CDH23: variants seen among roughly 807,000 people sequenced by gnomAD.
CDH23 encodes cadherin-23.
Under a neutral mutation model 317.1 loss-of-function variants are expected in CDH23, and 189 were observed. The ratio of observed to expected loss-of-function variants is 0.60; its 90% CI spans 0.53 to 0.67. CDH23 has a LOEUF of 0.67. Among genes scored for constraint, CDH23 ranks in the 30% least tolerant of loss-of-function variants. CDH23 has a pLI of 0.00. For missense variants in CDH23, 4,401 were observed against 4,592.4 expected (o/e 0.96, Z 1.20); for synonymous variants, 1,839 against 1,876.8 (o/e 0.98, Z 0.52).
chr10:71,724,186 G>T, intron 29 of CDH23, 81 bp downstream of exon 29: 2 of 1,469,532 alleles, frequency 1.4e-6, no homozygotes, highest in Non-Finnish European at 1.9e-6. Flanking sequence ...CAAAGGTCTG[G>T]GAGATGAGGC....
chr10:71,763,172 T>G (rs7909934), intron 38 of CDH23, among the ~76,000 whole-genome samples: 30,372 of 152,136 alleles, frequency 0.2, 3,522 homozygotes, highest in Non-Finnish European at 0.26. Context: ...GGTGTTATTT[T>G]TATTTATTTA....
intron 44 of CDH23, among the ~76,000 whole-genome samples, chr10:71,786,554 C>T (rs1841112828): frequency 7.3e-6 from 1 of 137,630 alleles, no homozygotes; most frequent in Non-Finnish European, 1.5e-5. Context: ...TGCAGTGGTG[C>T]AATCGTGATC....
At chr10:71,584,701 C>A (rs181014629) in intron 9 of CDH23, among the ~76,000 whole-genome samples, 116 of 152,290 alleles carry the variant, frequency 7.6e-4, no homozygotes, top group African/African-American at 2.7e-3. Context: ...GACCATCGTG[C>A]GAAACACTTC....
chr10:71,775,100 A>AC (rs1336158319), intron 38 of CDH23, among the ~76,000 whole-genome samples: 2 of 152,064 alleles, frequency 1.3e-5, no homozygotes, highest in Admixed American at 6.5e-5. Context: ...TGGCCTTGTG[A>AC]CCCCACCTTG....
intron 9 of CDH23, among the ~76,000 whole-genome samples, chr10:71,587,157 G>C (rs562376972): frequency 6.6e-6 from 1 of 152,216 alleles, no homozygotes; most frequent in Non-Finnish European, 1.5e-5. Flanking sequence ...GCTTAGGGCC[G>C]CATGGCAAAT....
rs773380547 is a variant in CDH23 at position 71,805,873 on chromosome 10, C to T, written c.7940C>T (p.Ala2647Val). Residue 2647 changes from alanine (A) to valine (V), a missense_variant, in exon 56 of 70, where the codon GCG becomes GTG. Physicochemically the swap from Ala to Val is moderately conservative, Grantham distance 64. This residue lies in a region of CDH23 where 1,144 missense variants were observed against 1,138.2 expected (regional missense o/e 1.01). Coordinates refer to ENST00000224721, the MANE Select transcript of CDH23 (RefSeq NM_022124.6). Reference sequence around the variant, plus strand: ...GACAAGGATGAGGGCCTCAACGGGGCGGTGCGCTACAGCTTCCTGAAGACT... The same window carrying T: ...GACAAGGATGAGGGCCTCAACGGGGTGGTGCGCTACAGCTTCCTGAAGACT... ...ATDKDEGLNG[A>V]VRYSFLKTAG... The T allele has an allele frequency of 1.2e-6, 2 of 1,613,806 alleles. No individual in the cohort carries two copies. Among genetic ancestry groups the T allele is most frequent in the Admixed American group, 3.3e-5 (2 of 60,004 alleles).
intron 3 of CDH23, among the ~76,000 whole-genome samples, chr10:71,506,657 C>T (rs140693808): frequency 1.0e-3 from 158 of 152,270 alleles, no homozygotes; most frequent in African/African-American, 2.8e-3. Context: ...CCTTGCTTCC[C>T]GGAGAAGCCA....
At chr10:71,437,069 C>T (rs1254523912) in intron 1 of CDH23, among the ~76,000 whole-genome samples, 1 of 152,228 alleles carries the variant, frequency 6.6e-6, no homozygotes, top group Non-Finnish European at 1.5e-5. Context: ...CAAATTAAAG[C>T]TGCAATGCTA....
chr10:71,773,519 C>T, intron 38 of CDH23: 1 of 1,405,694 alleles, frequency 7.1e-7, no homozygotes, highest in Non-Finnish European at 9.8e-7. Context: ...CCTCCCGCGA[C>T]TGAGTGCGAG....
At chr10:71,654,067 G>T (rs12573587) in intron 14 of CDH23, among the ~76,000 whole-genome samples, 46,953 of 152,054 alleles carry the variant, frequency 0.31, 7,208 homozygotes, top group South Asian at 0.36. Flanking sequence ...ACTGAGTCTA[G>T]CCTCAAGGAA....
intron 42 of CDH23, 82 bp downstream of exon 42, chr10:71,784,502 T>C (rs886551558): frequency 1.9e-6 from 3 of 1,541,456 alleles, no homozygotes; most frequent in Non-Finnish European, 2.6e-6. Context: ...ATTGTTACCC[T>C]TGTGCCAAGA....
intron 20 of CDH23, among the ~76,000 whole-genome samples, chr10:71,693,812 G>A (rs996595030): frequency 5.9e-5 from 9 of 152,216 alleles, no homozygotes; most frequent in Admixed American, 1.3e-4. Flanking sequence ...GAGGTGATCT[G>A]TGACTGAGCT....
chr10:71,488,160 T>C (rs993990607), intron 3 of CDH23, among the ~76,000 whole-genome samples: 1 of 152,144 alleles, frequency 6.6e-6, no homozygotes, highest in African/African-American at 2.4e-5. Flanking sequence ...AACAGTTGTT[T>C]TGTGTGGCTG....
At chr10:71,494,589 G>T (rs909706358) in intron 3 of CDH23, among the ~76,000 whole-genome samples, 1 of 152,198 alleles carries the variant, frequency 6.6e-6, no homozygotes, top group Non-Finnish European at 1.5e-5. Flanking sequence ...TGTGCAAAGT[G>T]CTTAACAGAG....
Position 71,603,903 on chromosome 10 carries a change from G to A in CDH23, c.833-11601G>A, listed in dbSNP as rs548153929. Among the ~76,000 whole-genome samples the A allele has an allele frequency of 1.4e-4, 22 of 152,326 alleles. No homozygotes were observed. In the South Asian group the frequency reaches 3.5e-3, roughly 24 times the overall value. On this transcript the variant is annotated intron_variant, in intron 9 of 69. Coordinates refer to ENST00000224721, the MANE Select transcript of CDH23 (RefSeq NM_022124.6). ...GGTATTTTGTGGATCCAGTGAGGTC[G>A]TGCATGTGAACAAACATGTGAAGCG...
At chr10:71,760,217 A>ATATGTATATACATATATATG in intron 38 of CDH23, among the ~76,000 whole-genome samples, 1 of 47,648 alleles carries the variant, frequency 2.1e-5, no homozygotes, top group African/African-American at 7.4e-5. Context: ...GTGTGTATAT[A>ATATGTATATACATATATATG]TGTGTATATA....
chr10:71,733,838 G>A (rs566998529), intron 32 of CDH23, among the ~76,000 whole-genome samples: 3 of 152,324 alleles, frequency 2.0e-5, no homozygotes, highest in Non-Finnish European at 2.9e-5. Context: ...TCACTACAAC[G>A]TGACAGGCCT....
intron 9 of CDH23, among the ~76,000 whole-genome samples, chr10:71,601,905 A>T (rs1308356481): frequency 2.0e-5 from 3 of 146,368 alleles, no homozygotes; most frequent in East Asian, 2.2e-4. Context: ...AGCCCCAGGC[A>T]GATCTCTGTT....
chr10:71,482,928 A>G (rs936821467), intron 3 of CDH23, among the ~76,000 whole-genome samples: 1 of 152,142 alleles, frequency 6.6e-6, no homozygotes, highest in African/African-American at 2.4e-5. Flanking sequence ...TAATCTGTAG[A>G]GCAGTTTTTC....
Sources: allele counts gnomAD v4.1 joint callset (sites outside exome capture counted in the v4.1 genomes callset), GRCh38; gene constraint gnomAD v4.1.1; regional missense constraint gnomAD v4.1.1; transcripts MANE v1.5; gene names NCBI Gene and HGNC (gene_info 2026-07-23, HGNC 2026-07-21).